The following MARCHF1 variants were observed in gnomAD, a reference collection of about 807,000 sequenced individuals.
MARCHF1 encodes the protein E3 ubiquitin-protein ligase MARCHF1.
A neutral mutation model predicts 54.2 loss-of-function variants in MARCHF1; 40 were observed. The ratio of observed to expected loss-of-function variants is 0.74; its 90% CI spans 0.57 to 0.96. MARCHF1 has a LOEUF of 0.96. MARCHF1 is among the 40% of genes least tolerant of loss of function. The pLI is 0.00. For missense variants in MARCHF1, 586 were observed against 656.5 expected, an observed-to-expected ratio of 0.89 and a Z score of 1.17; for synonymous variants, 236 against 236.3, an observed-to-expected ratio of 1.00 and a Z score of 0.01.
chr4:163,714,882 G>C (rs1561034305), intron 4 of MARCHF1, among the ~76,000 whole-genome samples: 2 of 151,972 alleles, frequency 1.3e-5, no homozygotes, highest in Non-Finnish European at 1.5e-5. Flanking sequence ...AGGTTTTGCT[G>C]TGTTGCCCAG....
intron 4 of MARCHF1, among the ~76,000 whole-genome samples, chr4:163,852,196 T>C (rs915362825): frequency 1.3e-5 from 2 of 152,152 alleles, no homozygotes; most frequent in Non-Finnish European, 2.9e-5. Flanking sequence ...CCTTTTATTA[T>C]TTACTAGATA....
intron 1 of MARCHF1, among the ~76,000 whole-genome samples, chr4:164,333,186 C>T (rs1398751698): frequency 6.6e-6 from 1 of 151,930 alleles, no homozygotes; most frequent in Non-Finnish European, 1.5e-5. Context: ...GTGTTTCAGA[C>T]TTTACATAAT....
intron 2 of MARCHF1, among the ~76,000 whole-genome samples, chr4:164,014,493 A>G (rs1418607225): frequency 6.6e-6 from 1 of 152,142 alleles, no homozygotes; most frequent in African/African-American, 2.4e-5. Context: ...AGAGAGGAAC[A>G]CCCAAACAAC....
chr4:164,230,980 T>C (rs1732399708), intron 1 of MARCHF1, among the ~76,000 whole-genome samples: 1 of 152,062 alleles, frequency 6.6e-6, no homozygotes, highest in African/African-American at 2.4e-5. Context: ...AATAGATATG[T>C]AAAAATAGAA....
intron 1 of MARCHF1, chr4:164,197,713 T>C (rs551988347): frequency 6.2e-7 from 1 of 1,611,684 alleles, no homozygotes; most frequent in Admixed American, 1.7e-5. Context: ...CATCTCCATC[T>C]CTCGCGCTCT....
chr4:163,524,684 C>A (rs1180141295), downstream of MARCHF1: 1 of 152,160 alleles, frequency 6.6e-6, no homozygotes, highest in Non-Finnish European at 1.5e-5. Flanking sequence ...ATACAAATAT[C>A]AGTCTGTTAG....
Position 163,913,668 on chromosome 4 carries a change from G to C in MARCHF1, c.-38-59499C>G, listed in dbSNP as rs575342478. On this transcript the variant is annotated intron_variant, in intron 3 of 9. Transcript: ENST00000514618. ...GTGTAAAGAGGAAGATAACTGAGGA[G>C]AATGAGCCTTCCTCTGGATAGCCAC... 3.3e-5 allele frequency among the ~76,000 whole-genome samples: 5 copies of C among 152,294 alleles called. No individual in the cohort carries two copies. In the East Asian group the frequency reaches 9.6e-4, roughly 29 times the overall value.
chr4:163,958,137 G>C (rs889491256), intron 3 of MARCHF1, among the ~76,000 whole-genome samples: 1 of 151,850 alleles, frequency 6.6e-6, no homozygotes, highest in Non-Finnish European at 1.5e-5. Flanking sequence ...CTTTGCACAG[G>C]AACATCTTTG....
Position 163,827,562 on chromosome 4 carries a change from G to C in MARCHF1, c.111+26459C>G, listed in dbSNP as rs374028291. Among the ~76,000 whole-genome samples the C allele has an allele frequency of 1.1e-4, 16 of 152,056 alleles. No homozygotes were observed. The East Asian group carries it at 1.7e-3, about 16-fold the overall frequency. On this transcript the variant is annotated intron_variant, in intron 4 of 9. Transcript: ENST00000514618. ...TAAAATGTTTCCTATTAGACTGTAA[G>C]TTCCTTTAAAAAGCAGAGCACCCCT...
chr4:164,197,784 C>A lies in MARCHF1; in HGVS notation c.-322-86122G>T. The A allele has an allele frequency of 1.9e-6, 3 of 1,603,656 alleles. No homozygotes were observed. In the South Asian group the frequency reaches 3.3e-5, roughly 18 times the overall value. On this transcript the variant is annotated intron_variant, in intron 1 of 9. Transcript: ENST00000514618. The stretch of plus-strand genomic sequence containing the variant: ...TCAATAAACCTCGAACCCACGGCCG[C>A]ACGTTTTAGGACTTTGAAGACTCAA...
At chr4:164,263,850 T>C (rs955599092) in intron 1 of MARCHF1, among the ~76,000 whole-genome samples, 4 of 152,116 alleles carry the variant, frequency 2.6e-5, no homozygotes, top group African/African-American at 9.7e-5. Flanking sequence ...AAATAACCGA[T>C]GCTAGTGAGG....
intron 8 of MARCHF1, among the ~76,000 whole-genome samples, chr4:163,564,457 C>A (rs538298051): frequency 6.6e-6 from 1 of 152,238 alleles, no homozygotes; most frequent in South Asian, 2.1e-4. Context: ...ATGCTCTGAA[C>A]CATTAAGACC....
intron 2 of MARCHF1, among the ~76,000 whole-genome samples, chr4:164,071,200 T>A (rs1319309464): frequency 6.6e-6 from 1 of 152,216 alleles, no homozygotes; most frequent in Non-Finnish European, 1.5e-5. Context: ...CAGCATTTTA[T>A]CTCCTTTTCA....
At chr4:163,559,677 A>G (rs916159915) in intron 8 of MARCHF1, among the ~76,000 whole-genome samples, 25 of 152,342 alleles carry the variant, frequency 1.6e-4, no homozygotes, top group South Asian at 6.2e-4. Context: ...TCCTATGTCT[A>G]TTATTCCTCA....
intron 3 of MARCHF1, among the ~76,000 whole-genome samples, chr4:163,922,642 C>T (rs1370111428): frequency 6.6e-6 from 1 of 152,132 alleles, no homozygotes; most frequent in Non-Finnish European, 1.5e-5. Context: ...GCTTTTATAT[C>T]ATTTGAATTT....
chr4:164,250,613 T>C (rs1360391169), intron 1 of MARCHF1, among the ~76,000 whole-genome samples: 3 of 152,132 alleles, frequency 2.0e-5, no homozygotes, highest in Non-Finnish European at 4.4e-5. Flanking sequence ...TTTGGGAAAT[T>C]ATTTCTCATC....
At chr4:164,276,303 C>T (rs1211689652) in intron 1 of MARCHF1, among the ~76,000 whole-genome samples, 4 of 152,070 alleles carry the variant, frequency 2.6e-5, no homozygotes, top group South Asian at 2.1e-4. Flanking sequence ...AGTCAAACAA[C>T]GTACTTATAT....
intron 9 of MARCHF1, among the ~76,000 whole-genome samples, chr4:163,533,967 C>T (rs916601552): frequency 3.3e-5 from 5 of 151,576 alleles, no homozygotes; most frequent in Admixed American, 2.0e-4. Flanking sequence ...TTTATTTTAT[C>T]GTCATCCTCA....
At chr4:164,349,816 T>C (rs1317588171) in intron 1 of MARCHF1, among the ~76,000 whole-genome samples, 2 of 152,208 alleles carry the variant, frequency 1.3e-5, no homozygotes, top group Non-Finnish European at 2.9e-5. Flanking sequence ...CATGTAATGA[T>C]GGTATTTAAA....
Sources: gnomAD v4.1 joint callset for allele counts (sites outside exome capture counted in the v4.1 genomes callset) on GRCh38, gnomAD v4.1.1 for gene constraint, MANE v1.5 for transcripts, NCBI Gene and HGNC (gene_info 2026-07-23, HGNC 2026-07-21) for gene names.